EFHD2: variants seen among roughly 807,000 people sequenced by gnomAD.
EFHD2 encodes the protein EF-hand domain family member D2.
EFHD2 carries 12 observed loss-of-function variants against 20.3 expected under a neutral mutation model. That is an observed-to-expected ratio of 0.59 (90% CI 0.38 to 0.96). The LOEUF is 0.96. Among genes scored for constraint, EFHD2 ranks in the 40% least tolerant of loss-of-function variants. The pLI, the probability that EFHD2 is intolerant of heterozygous loss-of-function variation, is 0.00. For missense variants in EFHD2, 250 were observed against 334.3 expected, an observed-to-expected ratio of 0.75 and a Z score of 1.97; for synonymous variants, 131 against 143.9, an observed-to-expected ratio of 0.91 and a Z score of 0.64.
At chr1:15,418,586 G>T (rs2496317) in intron 1 of EFHD2, among the ~76,000 whole-genome samples, 90,626 of 151,362 alleles carry the variant, frequency 0.6, 27,215 homozygotes, top group East Asian at 0.74. Context: ...ATTACAGGCG[G>T]GAGCCACGGC....
At chr1:15,416,752 G>A (rs115345807) in intron 1 of EFHD2, among the ~76,000 whole-genome samples, 1,706 of 151,032 alleles carry the variant, frequency 0.011, 33 homozygotes, top group African/African-American at 0.039. Context: ...TTCACCGCCC[G>A]GGAGTATGTT....
In EFHD2 at chr1:15,409,941, C is replaced by T. The variant is rs1557494009; in HGVS notation, c.-31C>T. The T allele has an allele frequency of 8.2e-7, 1 of 1,221,050 alleles. No homozygotes were observed. Among genetic ancestry groups the T allele is most frequent in the Non-Finnish European group, 1.0e-6 (1 of 983,952 alleles). 75.6% of individuals were successfully genotyped at this position (1,221,050 alleles called of 1,614,324 possible). A position where few individuals can be genotyped will look rare whatever the true frequency, so the allele number is the denominator to read the frequency against. ...GGCGGCGCTGCGCTGAGAGCAGGGG[C>T]CCGGCCAAGGCGAGTGCCGCGCGGG... On this transcript the variant is annotated 5_prime_UTR_variant, in exon 1 of 4. Coordinates refer to ENST00000375980, the MANE Select transcript of EFHD2 (RefSeq NM_024329.6).
intron 1 of EFHD2, among the ~76,000 whole-genome samples, chr1:15,418,593 C>T (rs531791859): frequency 2.6e-5 from 4 of 151,940 alleles, no homozygotes; most frequent in Admixed American, 6.6e-5. Flanking sequence ...GCGGGAGCCA[C>T]GGCACCCGGC....
At chr1:15,417,150 C>G (rs1707684734) in intron 1 of EFHD2, among the ~76,000 whole-genome samples, 1 of 152,168 alleles carries the variant, frequency 6.6e-6, no homozygotes, top group Non-Finnish European at 1.5e-5. Context: ...GGTGTGCACA[C>G]TGACGTTTAA....
intron 1 of EFHD2, among the ~76,000 whole-genome samples, chr1:15,412,101 G>A (rs866123644): frequency 4.6e-5 from 7 of 151,972 alleles, no homozygotes; most frequent in East Asian, 1.9e-4. Context: ...GTCCCAGGGC[G>A]CCCACGTCCT....
intron 1 of EFHD2, among the ~76,000 whole-genome samples, chr1:15,421,312 C>G (rs1359348330): frequency 6.6e-6 from 1 of 152,170 alleles, no homozygotes; most frequent in Non-Finnish European, 1.5e-5. Context: ...ACATCAGAGC[C>G]CAGGGCACAG....
intron 1 of EFHD2, among the ~76,000 whole-genome samples, chr1:15,414,392 G>C (rs563555004): frequency 6.6e-6 from 1 of 152,382 alleles, no homozygotes; most frequent in African/African-American, 2.4e-5. Context: ...CTGCAGCCCT[G>C]GGTTTGAATA....
At position 15,413,722 on chromosome 1, in the gene EFHD2, A is replaced by T. The variant is rs1447693855; in HGVS notation, c.308+3443A>T. ...ATGTGGCGGTGACTTGCTCGGGGTT[A>T]CGGAGAGGTTCTCAGTGAGGCTGAA... On this transcript the variant is annotated intron_variant, in intron 1 of 3. Coordinates refer to ENST00000375980, the MANE Select transcript of EFHD2 (RefSeq NM_024329.6). This position sits in a 1 kb window ranked among gnomAD's most constrained non-coding sequence, Gnocchi z 4.4. 6.6e-6 allele frequency among the ~76,000 whole-genome samples: 1 copy of T among 152,170 alleles called. No individual in the cohort carries two copies. Among genetic ancestry groups the T allele is most frequent in the Non-Finnish European group, 1.5e-5 (1 of 68,014 alleles).
At position 15,409,919 on chromosome 1, in the gene EFHD2, G is replaced by C. The variant is rs984538826; in HGVS notation, c.-53G>C. On this transcript the variant is annotated 5_prime_UTR_variant, in exon 1 of 4. Transcript: ENST00000375980. ...CAGGAAGAGGAAGAGCGCGGCCGGC[G>C]GCGCTGCGCTGAGAGCAGGGGCCCG... 2.5e-6 allele frequency: 3 copies of C among 1,199,158 alleles called. No homozygotes were observed. Among genetic ancestry groups the C allele is most frequent in the East Asian group, 3.6e-5 (1 of 28,092 alleles). The allele number at this position is 1,199,158 out of a possible 1,614,324, so 74.3% of individuals were successfully genotyped here.
At chr1:15,419,378 A>G (rs1367733050) in intron 1 of EFHD2, among the ~76,000 whole-genome samples, 1 of 152,190 alleles carries the variant, frequency 6.6e-6, no homozygotes, top group African/African-American at 2.4e-5. Context: ...TGCTGGAGAA[A>G]AGTGCTGAGC....
At chr1:15,418,644 C>CCA in intron 1 of EFHD2, among the ~76,000 whole-genome samples, 1 of 152,192 alleles carries the variant, frequency 6.6e-6, no homozygotes. Flanking sequence ...TAGGCCCCCC[C>CCA]TTAAGTAAGC....
intron 1 of EFHD2, among the ~76,000 whole-genome samples, chr1:15,420,262 T>C (rs776392750): frequency 6.6e-6 from 1 of 152,244 alleles, no homozygotes; most frequent in Non-Finnish European, 1.5e-5. Context: ...ACTATTACGA[T>C]GATGATGAAA....
At chr1:15,410,757 G>A (rs1277442184) in intron 1 of EFHD2, among the ~76,000 whole-genome samples, 1 of 85,840 alleles carries the variant, frequency 1.2e-5, no homozygotes, top group Non-Finnish European at 2.2e-5. Flanking sequence ...CCCAACACAC[G>A]CTGGCCAAAG....
intron 1 of EFHD2, among the ~76,000 whole-genome samples, chr1:15,412,306 C>CG: frequency 6.6e-6 from 1 of 152,202 alleles, no homozygotes; most frequent in South Asian, 2.1e-4. Flanking sequence ...TCAGACACCA[C>CG]GGAGATCCCT....
intron 1 of EFHD2, among the ~76,000 whole-genome samples, chr1:15,414,873 A>C (rs1479124631): frequency 1.1e-4 from 16 of 152,190 alleles, no homozygotes; most frequent in Non-Finnish European, 5.9e-5. Flanking sequence ...AGGGGAGAGC[A>C]AACAACAGCT....
chr1:15,416,401 C>T (rs1359679412), intron 1 of EFHD2, among the ~76,000 whole-genome samples: 1 of 152,182 alleles, frequency 6.6e-6, no homozygotes, highest in Non-Finnish European at 1.5e-5. Context: ...GCTGAGTTCC[C>T]CTGACTGCCG....
At chr1:15,428,002 G>A in intron 3 of EFHD2, 4 of 471,058 alleles carry the variant, frequency 8.5e-6, no homozygotes, top group Non-Finnish European at 1.8e-5. Context: ...AGCAGCCACA[G>A]AATATAGGTT....
chr1:15,419,696 T>C (rs985464844), intron 1 of EFHD2, among the ~76,000 whole-genome samples: 8 of 152,322 alleles, frequency 5.3e-5, no homozygotes, highest in Admixed American at 5.2e-4. Context: ...TCTCTTTTTC[T>C]GGATCCTCTA....
chr1:15,421,069 G>A (rs1043323788), intron 1 of EFHD2, among the ~76,000 whole-genome samples: 7 of 152,100 alleles, frequency 4.6e-5, no homozygotes, highest in Non-Finnish European at 4.4e-5. Context: ...TGCTTGTATC[G>A]TCTCTTTTAA....
Sources: allele counts gnomAD v4.1 joint callset (sites outside exome capture counted in the v4.1 genomes callset), GRCh38; gene constraint gnomAD v4.1.1; non-coding constraint Gnocchi (gnomAD v3.1); transcripts MANE v1.5; gene names NCBI Gene and HGNC (gene_info 2026-07-23, HGNC 2026-07-21).